Variants in MSTO1 observed in about 807,000 individuals in gnomAD.
MSTO1 encodes misato mitochondrial distribution and morphology regulator 1.
Under a neutral mutation model 55.7 loss-of-function variants are expected in MSTO1, and 24 were observed. The ratio of observed to expected loss-of-function variants is 0.43; its 90% CI spans 0.31 to 0.61. The LOEUF is 0.61. Among genes scored for constraint, MSTO1 ranks in the 20% least tolerant of loss-of-function variants. The probability of loss-of-function intolerance (pLI) is 0.09; values close to 1 mark genes in which losing one functional copy is unlikely to be tolerated. For synonymous variants in MSTO1, 162 were observed against 252.8 expected (o/e 0.64, Z 3.41); for missense variants, 363 against 625.7 (o/e 0.58, Z 4.48).
chr1:155,597,876 G>A, the MSTO1 span, among the ~76,000 whole-genome samples: 2 of 151,152 alleles, frequency 1.3e-5, no homozygotes, highest in Non-Finnish European at 2.9e-5. Context: ...GAGTGCCGTG[G>A]CGCGATCTCG....
rs1049696233 is a variant in MSTO1, at chr1:155,614,706, A to G, written c.*433A>G. On this transcript the variant is annotated 3_prime_UTR_variant, in exon 14 of 14. Coordinates refer to ENST00000245564, the MANE Select transcript of MSTO1 (RefSeq NM_018116.4). ...GCCTGTTGGGTTTGGTCCTGTGTAG[A>G]TGATTCCCAGAGTCTCATTCATCCA... is the stretch of plus-strand genomic sequence containing the variant. 3.1e-4 allele frequency: 492 copies of G among 1,578,278 alleles called. No individual in the cohort carries two copies. Among genetic ancestry groups the G allele is most frequent in the Non-Finnish European group, 3.7e-4 (428 of 1,148,460 alleles).
chr1:155,603,127 G>A, the MSTO1 span, among the ~76,000 whole-genome samples: 1 of 152,156 alleles, frequency 6.6e-6, no homozygotes, highest in Admixed American at 6.6e-5. Flanking sequence ...CACTTTGGGA[G>A]GCTGAGTTGG....
chr1:155,600,224 T>C, the MSTO1 span, among the ~76,000 whole-genome samples: 1 of 152,232 alleles, frequency 6.6e-6, no homozygotes, highest in African/African-American at 2.4e-5. Context: ...GTGTTTTGTG[T>C]CTCTGGGTAC....
the MSTO1 span, among the ~76,000 whole-genome samples, chr1:155,604,715 A>C: frequency 6.6e-6 from 1 of 151,968 alleles, no homozygotes; most frequent in Non-Finnish European, 1.5e-5. Context: ...ATCTCTACAA[A>C]AAATGCAAAA....
chr1:155,591,178 T>C, the MSTO1 span: 1 of 1,613,068 alleles, frequency 6.2e-7, no homozygotes, highest in Admixed American at 1.7e-5. Context: ...ACTTTCCACA[T>C]GGGCAGGACG....
At chr1:155,575,198 T>C in the MSTO1 span, among the ~76,000 whole-genome samples, 1 of 151,450 alleles carries the variant, frequency 6.6e-6, no homozygotes, top group Non-Finnish European at 1.5e-5. Flanking sequence ...TAAAAATAAA[T>C]GAGTTCTTTG....
chr1:155,574,787 C>T, the MSTO1 span, among the ~76,000 whole-genome samples: 2 of 151,862 alleles, frequency 1.3e-5, no homozygotes, highest in African/African-American at 2.4e-5. Context: ...AGGCTGGTCT[C>T]GAACTCCTGG....
In MSTO1 at chr1:155,614,669, C is replaced by T. The variant is rs557052354; in HGVS notation, c.*396C>T. The stretch of plus-strand genomic sequence containing the variant: ...AGCAGAGTACAACTACCCGCCTCCC[C>T]GGTGCCAGGGCGCCTGTTGGGTTTG... On this transcript the variant is annotated 3_prime_UTR_variant, in exon 14 of 14. Coordinates refer to ENST00000245564, the MANE Select transcript of MSTO1 (RefSeq NM_018116.4). 1.1e-4 allele frequency: 166 copies of T among 1,527,838 alleles called. No individual in the cohort carries two copies. The East Asian group carries it at 2.9e-3, about 27-fold the overall frequency. The allele number at this position is 1,527,838 out of a possible 1,614,324, so 94.6% of individuals were successfully genotyped here. A position where few individuals can be genotyped will look rare whatever the true frequency, so the allele number is the denominator to read the frequency against.
In MSTO1 at chr1:155,612,989, T is replaced by A; in HGVS notation, c.1098+14T>A. 1.2e-6 allele frequency: 2 copies of A among 1,614,012 alleles called. No homozygotes were observed. Among genetic ancestry groups the A allele is most frequent in the Non-Finnish European group, 1.7e-6 (2 of 1,179,892 alleles). ...TGTGGGAAAAAGGTATGAAGCTTTG[T>A]AAGGGGTTGGGTCAGTGCTGAGAAA... On this transcript the variant is annotated intron_variant, in intron 10 of 13. Transcript: ENST00000245564.
chr1:155,608,704 G>T (rs999798970), upstream of MSTO1, among the ~76,000 whole-genome samples: 1 of 151,260 alleles, frequency 6.6e-6, no homozygotes, highest in Non-Finnish European at 1.5e-5. Context: ...GGGTTTCACC[G>T]TGTTAGCCAG....
At chr1:155,593,036 C>T in the MSTO1 span, among the ~76,000 whole-genome samples, 2 of 152,094 alleles carry the variant, frequency 1.3e-5, no homozygotes, top group African/African-American at 2.4e-5. Context: ...CTCAGGCTCC[C>T]CAATAGCTGG....
At chr1:155,595,176 GTTTT>G in the MSTO1 span, among the ~76,000 whole-genome samples, 2 of 102,514 alleles carry the variant, frequency 2.0e-5, no homozygotes, top group Non-Finnish European at 3.8e-5. Flanking sequence ...CAGGTTTGTT[GTTTT>G]TTTTTTTTTT....
At chr1:155,590,902 G>C in the MSTO1 span, 30 of 1,613,012 alleles carry the variant, frequency 1.9e-5, no homozygotes, top group Admixed American at 2.3e-4. Flanking sequence ...GACAATCCCA[G>C]AGGTGAGCAC....
Position 155,614,325 on chromosome 1 carries a change from C to T in MSTO1, c.*52C>T. The T allele has an allele frequency of 3.5e-6, 2 of 575,756 alleles. No homozygotes were observed. The highest frequency in any genetic ancestry group is 6.2e-6 in the Non-Finnish European group (2 of 324,552). 35.7% of individuals were successfully genotyped at this position (575,756 alleles called of 1,614,324 possible). On this transcript the variant is annotated 3_prime_UTR_variant, in exon 14 of 14. Coordinates refer to ENST00000245564, the MANE Select transcript of MSTO1 (RefSeq NM_018116.4). ...AGTTTGCAATAAAAACAGCTGGATG[C>T]AGGAGCCCAGTGTCTTCATGCAGAG... is the stretch of plus-strand genomic sequence containing the variant.
the MSTO1 span, among the ~76,000 whole-genome samples, chr1:155,592,715 C>T: frequency 1.3e-5 from 2 of 151,822 alleles, no homozygotes; most frequent in African/African-American, 4.8e-5. Flanking sequence ...CACCATGCCC[C>T]GGCTAATTTT....
Position 155,614,938 on chromosome 1 carries a change from A to G in MSTO1, c.*665A>G, listed in dbSNP as rs893134813. The stretch of plus-strand genomic sequence containing the variant: ...TGTTAACATTTATGAAGCACTATAT[A>G]TTGATTTGCAAAATCTTTTGTTTAT... On this transcript the variant is annotated 3_prime_UTR_variant, in exon 14 of 14. Coordinates refer to ENST00000245564, the MANE Select transcript of MSTO1 (RefSeq NM_018116.4). 9.2e-5 allele frequency: 103 copies of G among 1,124,872 alleles called. No individual in the cohort carries two copies. The highest frequency in any genetic ancestry group is 1.3e-4 in the Non-Finnish European group (98 of 758,254). The allele number at this position is 1,124,872 out of a possible 1,614,324, so 69.7% of individuals were successfully genotyped here. A position where few individuals can be genotyped will look rare whatever the true frequency, so the allele number is the denominator to read the frequency against.
the MSTO1 span, among the ~76,000 whole-genome samples, chr1:155,600,933 C>T: frequency 1.3e-5 from 2 of 150,390 alleles, no homozygotes; most frequent in East Asian, 3.9e-4. Flanking sequence ...GCCTTGGCCT[C>T]CCAAAGTGCT....
At chr1:155,584,906 T>G in the MSTO1 span, among the ~76,000 whole-genome samples, 1 of 143,820 alleles carries the variant, frequency 7.0e-6, no homozygotes, top group East Asian at 3.2e-4. Context: ...GTGCCAGGTT[T>G]TTTTTTTTGT....
upstream of MSTO1, among the ~76,000 whole-genome samples, chr1:155,606,198 CTTTTTTTTTTTTTTT>C (rs747681932): frequency 7.1e-4 from 20 of 28,108 alleles, no homozygotes; most frequent in South Asian, 7.3e-3. Context: ...CATGCCCAGC[CTTTTTTTTTTTTTTT>C]TTTTTTTTTT....
Sources: allele counts gnomAD v4.1 joint callset (sites outside exome capture counted in the v4.1 genomes callset), GRCh38; gene constraint gnomAD v4.1.1; transcripts MANE v1.5; gene names NCBI Gene and HGNC (gene_info 2026-07-23, HGNC 2026-07-21).